Variants in NSUN3 observed in about 807,000 individuals in gnomAD.
NSUN3 encodes the protein tRNA (cytosine(34)-C(5))-methyltransferase, mitochondrial.
NSUN3 carries 24 observed loss-of-function variants against 36.8 expected under a neutral mutation model. The observed-to-expected ratio is 0.65, with a 90% CI of 0.47 to 0.92. NSUN3 has a LOEUF of 0.92. Among genes scored for constraint, NSUN3 ranks in the 40% least tolerant of loss-of-function variants. The probability of loss-of-function intolerance (pLI) is 0.00; values close to 1 mark genes in which losing one functional copy is unlikely to be tolerated. For missense variants in NSUN3, 381 were observed against 392.8 expected (o/e 0.97, Z 0.25); for synonymous variants, 146 against 145.2 (o/e 1.01, Z -0.04).
intron 3 of NSUN3, 52 bp from the exon 4 acceptor site, chr3:94,094,088 A>G: frequency 7.4e-7 from 1 of 1,360,380 alleles, no homozygotes; most frequent in Non-Finnish European, 1.0e-6. Context: ...AAAAGTAGAA[A>G]TTTAACAGTT....
chr3:94,079,438 G>A (rs2077259600), intron 2 of NSUN3, among the ~76,000 whole-genome samples: 1 of 152,086 alleles, frequency 6.6e-6, no homozygotes, highest in Non-Finnish European at 1.5e-5. Flanking sequence ...TATCTTTGTG[G>A]TGGTCTCTGT....
At chr3:94,083,728 A>C (rs1387565311) in intron 2 of NSUN3, among the ~76,000 whole-genome samples, 1 of 152,150 alleles carries the variant, frequency 6.6e-6, no homozygotes, top group Non-Finnish European at 1.5e-5. Context: ...TTTGTTACTT[A>C]GGCATGATGG....
chr3:94,120,445 G>A (rs1471967589), intron 5 of NSUN3, among the ~76,000 whole-genome samples: 2 of 152,024 alleles, frequency 1.3e-5, no homozygotes, highest in African/African-American at 4.8e-5. Context: ...CTTAGCCCCT[G>A]GCAACCACCA....
chr3:94,088,322 G>GT (rs1424243880), intron 3 of NSUN3, among the ~76,000 whole-genome samples: 4 of 151,914 alleles, frequency 2.6e-5, no homozygotes, highest in African/African-American at 9.7e-5. Context: ...CCAACATCTT[G>GT]TTTTTTATTT....
intron 2 of NSUN3, among the ~76,000 whole-genome samples, chr3:94,083,875 A>G (rs772845878): frequency 5.3e-5 from 8 of 152,178 alleles, no homozygotes; most frequent in Non-Finnish European, 7.3e-5. Context: ...GAAAAGCCAC[A>G]GTGAACGAAA....
Position 94,129,540 on chromosome 3 carries a change from T to C in NSUN3, c.*3050T>C, listed in dbSNP as rs1000752638. 2.0e-5 allele frequency among the ~76,000 whole-genome samples: 3 copies of C among 151,964 alleles called. No homozygotes were observed. The highest frequency in any genetic ancestry group is 4.4e-5 in the Non-Finnish European group (3 of 67,994). ...GTAGGCTGAAAAACTACCTATTGGG[T>C]ACTGCACTCACTACCTGGGTGACGG... On this transcript the variant is annotated 3_prime_UTR_variant, in exon 6 of 6. Coordinates refer to ENST00000314622, the MANE Select transcript of NSUN3 (RefSeq NM_022072.5).
chr3:94,096,585 A>G (rs1427786923), intron 5 of NSUN3, among the ~76,000 whole-genome samples: 1 of 151,872 alleles, frequency 6.6e-6, no homozygotes, highest in South Asian at 2.1e-4. Flanking sequence ...TCCAACATCT[A>G]CCTCCTGGGT....
chr3:94,122,420 G>T (rs1013480253), intron 5 of NSUN3, among the ~76,000 whole-genome samples: 10 of 151,904 alleles, frequency 6.6e-5, no homozygotes, highest in Non-Finnish European at 1.2e-4. Context: ...TAAATAATAC[G>T]TTTATTCATT....
At position 94,084,127 on chromosome 3, in the gene NSUN3, CATGCTGGCAAT is replaced by C. The variant is rs2077282283; in HGVS notation, c.150_160del (p.Trp50CysfsTer4). 3.1e-6 allele frequency: 5 copies of C among 1,613,328 alleles called. No individual in the cohort carries two copies. On this transcript the variant is annotated frameshift_variant, in exon 3 of 6. Coordinates refer to ENST00000314622, the MANE Select transcript of NSUN3 (RefSeq NM_022072.5). LOFTEE classifies it high-confidence loss of function. ...TCTAGGGAGATACTAACATCTCCAT[CATGCTGGCAAT>C]ATGCTGTCCTGCTTAACCGATTCAA...
chr3:94,068,303 T>G (rs1021747575), intron 2 of NSUN3, among the ~76,000 whole-genome samples: 1 of 152,248 alleles, frequency 6.6e-6, no homozygotes, highest in Admixed American at 6.5e-5. Context: ...TCAAGCCTTC[T>G]GTATGTCCCT....
At chr3:94,117,766 A>G (rs1576101709) in intron 5 of NSUN3, among the ~76,000 whole-genome samples, 1 of 152,256 alleles carries the variant, frequency 6.6e-6, no homozygotes, top group Non-Finnish European at 1.5e-5. Context: ...ATTATATGCT[A>G]TAAAATTAAT....
chr3:94,116,406 G>A (rs546678151), intron 5 of NSUN3, among the ~76,000 whole-genome samples: 2 of 152,200 alleles, frequency 1.3e-5, no homozygotes, highest in South Asian at 4.1e-4. Flanking sequence ...CAGACACGCA[G>A]ATCAAAACAT....
intron 2 of NSUN3, among the ~76,000 whole-genome samples, chr3:94,069,869 A>T (rs1302274356): frequency 6.6e-6 from 1 of 152,220 alleles, no homozygotes; most frequent in Non-Finnish European, 1.5e-5. Flanking sequence ...GGAAATGGGT[A>T]AGCAGGCAGG....
chr3:94,076,279 C>A, intron 2 of NSUN3: 2 of 892,776 alleles, frequency 2.2e-6, no homozygotes, highest in Middle Eastern at 3.3e-4. Flanking sequence ...TTTCTCAGAT[C>A]CCACAAGGCA....
chr3:94,089,091 A>G (rs2077304614), intron 3 of NSUN3, among the ~76,000 whole-genome samples: 1 of 152,232 alleles, frequency 6.6e-6, no homozygotes, highest in Non-Finnish European at 1.5e-5. Flanking sequence ...AATGTCAACA[A>G]CATTTTAACA....
intron 5 of NSUN3, among the ~76,000 whole-genome samples, chr3:94,104,150 T>C (rs956111914): frequency 6.6e-6 from 1 of 152,144 alleles, no homozygotes; most frequent in Non-Finnish European, 1.5e-5. Flanking sequence ...TCATAAGGTA[T>C]GTTGTGACAT....
Position 94,126,246 on chromosome 3 carries a change from T to C in NSUN3, c.779T>C (p.Leu260Pro). The C allele has an allele frequency of 1.2e-6, 2 of 1,614,152 alleles. No homozygotes were observed. Among genetic ancestry groups the C allele is most frequent in the Non-Finnish European group, 1.7e-6 (2 of 1,180,012 alleles). ...AAGGCCTTACGTCCTGGAGGGATAC[T>C]TGTATACTCTACATGCACGCTTTCC... ...AIKALRPGGI[L>P]VYSTCTLSKA... The change falls in exon 6 of 6, where the codon CTT (leucine) becomes CCT (proline). Residue 260 changes from leucine (L) to proline (P), a missense_variant. By Grantham distance (98) the Leu-to-Pro change is moderately conservative. Transcript: ENST00000314622.
At position 94,072,707 on chromosome 3, in the gene NSUN3, C is replaced by A. The variant is rs80133433; in HGVS notation, c.122+8161C>A. 7.3e-3 allele frequency among the ~76,000 whole-genome samples: 916 copies of A among 126,184 alleles called. 9 individuals carry two copies. Among genetic ancestry groups the A allele is most frequent in the African/African-American group, 0.026 (881 of 33,876 alleles). 82.8% of individuals were successfully genotyped at this position (126,184 alleles called of 152,430 possible). ...GTAGATCATGAAAGATCAAAAATTT[C>A]GTTTGTTCTATTTAGGCCTTATTTT... On this transcript the variant is annotated intron_variant, in intron 2 of 5. Coordinates refer to ENST00000314622, the MANE Select transcript of NSUN3 (RefSeq NM_022072.5).
intron 3 of NSUN3, among the ~76,000 whole-genome samples, chr3:94,092,885 A>G (rs1431244835): frequency 7.6e-6 from 1 of 132,236 alleles, no homozygotes; most frequent in African/African-American, 2.9e-5. Flanking sequence ...ATGCCACTGA[A>G]CTTCAGCCTG....
Sources: gnomAD v4.1 joint callset for allele counts (sites outside exome capture counted in the v4.1 genomes callset) on GRCh38, gnomAD v4.1.1 for gene constraint, MANE v1.5 for transcripts, NCBI Gene and HGNC (gene_info 2026-07-23, HGNC 2026-07-21) for gene names.